The following MAP4 variants were observed in gnomAD, a reference collection of about 807,000 sequenced individuals.
MAP4 encodes microtubule-associated protein 4.
MAP4 carries 76 observed loss-of-function variants against 170.2 expected under a neutral mutation model. That is an observed-to-expected ratio of 0.45 (90% CI 0.37 to 0.54). MAP4 has a LOEUF of 0.54. MAP4 is among the 20% of genes least tolerant of loss of function. The pLI, the probability that MAP4 is intolerant of heterozygous loss-of-function variation, is 0.00. For synonymous variants in MAP4, 909 were observed against 994.5 expected (o/e 0.91, Z 1.62); for missense variants, 2,506 against 2,748.0 (o/e 0.91, Z 1.97).
chr3:48,066,136 C>A, intron 1 of MAP4, among the ~76,000 whole-genome samples: 1 of 152,030 alleles, frequency 6.6e-6, no homozygotes, highest in Non-Finnish European at 1.5e-5. Context: ...AGGGTCTTTG[C>A]TGTTGGTTAG....
intron 10 of MAP4, chr3:47,892,187 C>G: frequency 6.5e-7 from 1 of 1,536,374 alleles, no homozygotes; most frequent in Non-Finnish European, 8.7e-7. Context: ...CTCAAGGTGA[C>G]CTGAGGCTTC....
At chr3:47,977,963 T>G in intron 2 of MAP4, 30 bp from the exon 3 acceptor site, 1 of 1,483,444 alleles carries the variant, frequency 6.7e-7, no homozygotes, top group East Asian at 2.3e-5. Context: ...TTACCCATTG[T>G]GACAGACAGA....
At chr3:47,944,479 A>G (rs2100058466) in intron 3 of MAP4, among the ~76,000 whole-genome samples, 2 of 152,040 alleles carry the variant, frequency 1.3e-5, no homozygotes, top group Admixed American at 1.3e-4. Context: ...ATTTATCTAC[A>G]TCAGAGTCCA....
chr3:47,873,247 G>T (rs962348950), intron 12 of MAP4, among the ~76,000 whole-genome samples: 1 of 152,182 alleles, frequency 6.6e-6, no homozygotes, highest in Non-Finnish European at 1.5e-5. Flanking sequence ...CTTGGCATCT[G>T]GGTCACTCTA....
intron 1 of MAP4, among the ~76,000 whole-genome samples, chr3:48,083,234 G>A (rs181106915): frequency 6.6e-6 from 1 of 152,246 alleles, no homozygotes. Context: ...AAATGTTAAC[G>A]CTAAGAGAAA....
intron 3 of MAP4, among the ~76,000 whole-genome samples, chr3:47,962,749 T>G (rs1000830103): frequency 6.6e-6 from 1 of 152,168 alleles, no homozygotes; most frequent in African/African-American, 2.4e-5. Flanking sequence ...TCTAAATGTC[T>G]AAAAAGCTAT....
At chr3:48,070,496 A>C in intron 1 of MAP4, among the ~76,000 whole-genome samples, 1 of 142,026 alleles carries the variant, frequency 7.0e-6, no homozygotes, top group Admixed American at 7.0e-5. Context: ...TTAATTTTTT[A>C]CTTTTTGTAC....
chr3:48,000,737 A>G (rs1465013852), intron 1 of MAP4, among the ~76,000 whole-genome samples: 3 of 152,214 alleles, frequency 2.0e-5, no homozygotes, highest in Non-Finnish European at 4.4e-5. Flanking sequence ...CTCAACTAAT[A>G]CACAGTCTTT....
chr3:48,082,779 C>G (rs964141661), intron 1 of MAP4, among the ~76,000 whole-genome samples: 3 of 113,096 alleles, frequency 2.7e-5, no homozygotes, highest in East Asian at 2.5e-4. Flanking sequence ...GCCTGGGCAA[C>G]AGAGCAAGAC....
intron 3 of MAP4, among the ~76,000 whole-genome samples, chr3:47,939,985 G>GCAC (rs1384457387): frequency 1.3e-5 from 2 of 152,014 alleles, no homozygotes; most frequent in South Asian, 2.1e-4. Context: ...TTACAGATGT[G>GCAC]CACCACCATG....
intron 2 of MAP4, among the ~76,000 whole-genome samples, chr3:47,988,273 T>C (rs1250104339): frequency 6.7e-6 from 1 of 150,136 alleles, no homozygotes; most frequent in African/African-American, 2.4e-5. Flanking sequence ...TTTTTAATGA[T>C]AAAAAAATTA....
chr3:47,891,638 G>C (rs1247605013), intron 10 of MAP4: 7 of 1,536,042 alleles, frequency 4.6e-6, no homozygotes, highest in Non-Finnish European at 6.1e-6. Flanking sequence ...GTTGAGCACA[G>C]CCTCCTCGGT....
intron 1 of MAP4, among the ~76,000 whole-genome samples, chr3:48,077,501 A>C (rs1305344706): frequency 6.6e-6 from 1 of 151,290 alleles, no homozygotes; most frequent in Non-Finnish European, 1.5e-5. Flanking sequence ...TTCTGGTTTT[A>C]ATTTTTTTTT....
At chr3:48,056,859 C>A (rs1373061022) in intron 1 of MAP4, among the ~76,000 whole-genome samples, 1 of 124,218 alleles carries the variant, frequency 8.1e-6, no homozygotes, top group Admixed American at 7.5e-5. Context: ...GGTCAGCCCC[C>A]CTGCCCGGCC....
rs375818941 is a variant in MAP4, at chr3:47,870,962, T to G, written c.6145A>C (p.Ile2049Leu). 34 of 1,613,956 alleles carry G rather than the reference T, an allele frequency of 2.1e-5. No homozygotes were observed. The highest frequency in any genetic ancestry group is 2.7e-5 in the Non-Finnish European group (32 of 1,179,966). Residue 2049 changes from isoleucine to leucine, a missense_variant, in exon 15 of 21, where the codon ATA (isoleucine) becomes CTA (leucine). By Grantham distance (5) the Ile-to-Leu change is conservative. Around this residue, in one of 3 missense-constraint regions of MAP4, gnomAD observed 487 missense variants for 511.6 expected, o/e 0.95. Transcript: ENST00000683076. ...MPSRPSTTPF[I>L]DKKPTSAKPS... ...TTGGCCGAGGTGGGCTTCTTGTCTA[T>G]GAAAGGAGTTGTGGAGGGCCGGGAG...
In MAP4 at chr3:47,875,910, G is replaced by A. The variant is rs756316894; in HGVS notation, c.5542-10C>T. The A allele has an allele frequency of 6.4e-7, 1 of 1,569,694 alleles. No individual in the cohort carries two copies. Among genetic ancestry groups the A allele is most frequent in the South Asian group, 1.2e-5 (1 of 83,376 alleles). ...GAGTGGTGGCCAAAGGCTTTAGGTT[G>A]ATTGTTGTTTATTTTTTATTTTTAT... On this transcript the variant is annotated splice_polypyrimidine_tract_variant and intron_variant, in intron 11 of 20. Coordinates refer to ENST00000683076, the MANE Select transcript of MAP4 (RefSeq NM_001385682.1).
upstream of MAP4, among the ~76,000 whole-genome samples, chr3:48,019,708 A>T (rs1323058203): frequency 1.3e-5 from 2 of 152,096 alleles, no homozygotes; most frequent in East Asian, 3.9e-4. Context: ...AACACAGTTG[A>T]GACTGCGTCT....
chr3:48,059,711 G>C (rs2100134178), intron 1 of MAP4, among the ~76,000 whole-genome samples: 1 of 151,614 alleles, frequency 6.6e-6, no homozygotes, highest in African/African-American at 2.4e-5. Flanking sequence ...GAAGCGGGTG[G>C]CTCACGCCTG....
At chr3:47,901,387 C>T (rs2100029910) in intron 10 of MAP4, among the ~76,000 whole-genome samples, 1 of 152,120 alleles carries the variant, frequency 6.6e-6, no homozygotes, top group Non-Finnish European at 1.5e-5. Context: ...ACAAATCATG[C>T]TGTGTGTCCG....
Sources: allele counts gnomAD v4.1 joint callset (sites outside exome capture counted in the v4.1 genomes callset), GRCh38; gene constraint gnomAD v4.1.1; regional missense constraint gnomAD v4.1.1; transcripts MANE v1.5; gene names NCBI Gene and HGNC (gene_info 2026-07-23, HGNC 2026-07-21).